Variants in LRRK1 observed in about 807,000 individuals in gnomAD.
LRRK1 encodes the protein leucine-rich repeat serine/threonine-protein kinase 1.
In LRRK1, 113 loss-of-function variants were observed where a neutral mutation model predicts 209.1. The ratio of observed to expected loss-of-function variants is 0.54; its 90% CI spans 0.46 to 0.63. The LOEUF is 0.63. LRRK1 is among the 30% of genes least tolerant of loss of function. The pLI is 0.00. For missense variants in LRRK1, 2,284 were observed against 2,632.2 expected, an observed-to-expected ratio of 0.87 and a Z score of 2.89; for synonymous variants, 1,144 against 1,099.7, an observed-to-expected ratio of 1.04 and a Z score of -0.80.
In LRRK1 at chr15:101,032,418, A is replaced by C. The variant is rs138614338; in HGVS notation, c.2963+3186A>C. Among the ~76,000 whole-genome samples the C allele has an allele frequency of 3.0e-3, 421 of 139,010 alleles. 5 individuals carry two copies. Among genetic ancestry groups the C allele is most frequent in the African/African-American group, 0.01 (400 of 38,924 alleles). The allele number at this position is 139,010 out of a possible 152,430, so 91.2% of individuals were successfully genotyped here. ...AACATGAGGTGTATCTCCTAATGCT[A>C]TCCCTCCCCCCTCCCCCTACCCGAT... On this transcript the variant is annotated intron_variant, in intron 20 of 33. Transcript: ENST00000388948.
At chr15:101,052,092 T>C in intron 24 of LRRK1, 132 bp downstream of exon 24, 2 of 1,032,168 alleles carry the variant, frequency 1.9e-6, no homozygotes, top group Non-Finnish European at 2.8e-6. Context: ...TTCCCACCAA[T>C]CTCAGTACCT....
intron 11 of LRRK1, 39 bp downstream of exon 11, chr15:101,014,467 G>C (rs147317693): frequency 7.2e-7 from 1 of 1,389,926 alleles, no homozygotes. Flanking sequence ...GTTCCAAAGC[G>C]TGTGTGGGGC....
intron 20 of LRRK1, among the ~76,000 whole-genome samples, chr15:101,038,695 C>T (rs1409353094): frequency 2.0e-5 from 3 of 152,210 alleles, no homozygotes; most frequent in African/African-American, 7.2e-5. Context: ...TTCCAGTGTT[C>T]CCTCTTGGAT....
In LRRK1 at chr15:101,053,252, G is replaced by T; in HGVS notation, c.3886G>T (p.Asp1296Tyr). The change falls in exon 26 of 34, where the codon GAT becomes TAT. Residue 1296 changes from aspartate to tyrosine, a missense_variant. Around this residue, in one of 6 missense-constraint regions of LRRK1, gnomAD observed 780 missense variants for 985.2 expected, o/e 0.79. Coordinates refer to ENST00000388948, the MANE Select transcript of LRRK1 (RefSeq NM_024652.6). Reference protein sequence around the residue: ...DTMLRHLRATDAMKNFSEFRQ... With the variant: ...DTMLRHLRATYAMKNFSEFRQ... Reference sequence around the variant, plus strand: ...CATGCTGAGGCACCTGCGGGCCACCGATGCCATGAAGAACTTCTCCGAGTT... The same window carrying T: ...CATGCTGAGGCACCTGCGGGCCACCTATGCCATGAAGAACTTCTCCGAGTT... 6.2e-7 allele frequency: 1 copy of T among 1,606,620 alleles called. No homozygotes were observed.
chr15:100,949,931 T>TGA (rs896107184), intron 2 of LRRK1, among the ~76,000 whole-genome samples: 2 of 151,340 alleles, frequency 1.3e-5, no homozygotes, highest in Non-Finnish European at 2.9e-5. Context: ...AGTGAAAGAC[T>TGA]GACTGCTTTC....
intron 32 of LRRK1, 129 bp downstream of exon 32, chr15:101,066,334 G>C (rs1209688628): frequency 7.6e-7 from 1 of 1,320,608 alleles, no homozygotes; most frequent in African/African-American, 1.5e-5. Flanking sequence ...CTTCCAAGAG[G>C]GTTGGTTTCC....
Position 101,075,580 on chromosome 15 carries a change from T to C in LRRK1, c.*6732T>C, listed in dbSNP as rs973118169. On this transcript the variant is annotated 3_prime_UTR_variant, in exon 34 of 34. Transcript: ENST00000388948. ...AGACTAAAGCCTGTTATCACTCTCC[T>C]GCTACAGCATGGCCTTTTAAAGCCT... 4.8e-5 allele frequency: 7 copies of C among 145,684 alleles called. No individual in the cohort carries two copies. The highest frequency in any genetic ancestry group is 8.3e-5 in the African/African-American group (3 of 36,068). 9.0% of individuals were successfully genotyped at this position (145,684 alleles called of 1,614,324 possible).
intron 20 of LRRK1, among the ~76,000 whole-genome samples, chr15:101,034,346 A>G (rs974274807): frequency 1.3e-5 from 2 of 152,116 alleles, no homozygotes; most frequent in African/African-American, 4.8e-5. Context: ...AATGTCCTGA[A>G]GTGCTTACCC....
In LRRK1 at chr15:101,022,249, C is replaced by T. The variant is rs2033828908; in HGVS notation, c.1853-134C>T. The T allele has an allele frequency of 1.1e-6, 1 of 884,694 alleles. No individual in the cohort carries two copies. Among genetic ancestry groups the T allele is most frequent in the Admixed American group, 2.2e-5 (1 of 44,746 alleles). 54.8% of individuals were successfully genotyped at this position (884,694 alleles called of 1,614,324 possible). ...TGGTTAGTGTCATGCCTTCCCTCCC[C>T]CTGATCCAGTAGTCTTCCTTAACTG... On this transcript the variant is annotated intron_variant, in intron 14 of 33. Transcript: ENST00000388948. The surrounding 1 kb of genome is among the most constrained non-coding windows in gnomAD (Gnocchi z 4.0).
intron 2 of LRRK1, among the ~76,000 whole-genome samples, chr15:100,949,027 C>G (rs1182513912): frequency 2.0e-5 from 3 of 151,406 alleles, no homozygotes; most frequent in African/African-American, 7.3e-5. Flanking sequence ...AAAATTAGAG[C>G]AGAAAAAAAT....
intron 20 of LRRK1, among the ~76,000 whole-genome samples, chr15:101,031,884 A>C (rs1480502589): frequency 6.6e-6 from 1 of 152,034 alleles, no homozygotes; most frequent in East Asian, 1.9e-4. Flanking sequence ...ACAGGCGCCC[A>C]CCACCGCGCC....
In LRRK1 at chr15:101,014,328, T is replaced by C. The variant is rs373397140; in HGVS notation, c.1432T>C (p.Leu478=). ...GLFQLDALMF[L]RLQGNQLAAL... ...CTCTCTCTCTCAGGCCCTCATGTTCTTGAGGTTACAGGGGAACCAGCTGGC... is the reference window on the plus strand; with the variant it reads ...CTCTCTCTCTCAGGCCCTCATGTTCCTGAGGTTACAGGGGAACCAGCTGGC... Residue 478 remains leucine (L), a synonymous_variant, in exon 11 of 34, where the codon TTG becomes CTG. Transcript: ENST00000388948. 29 of 1,612,068 alleles carry C rather than the reference T, an allele frequency of 1.8e-5. No individual in the cohort carries two copies. The African/African-American group carries it at 3.7e-4, about 21-fold the overall frequency.
At chr15:100,923,437 G>A (rs78644955) in intron 1 of LRRK1, among the ~76,000 whole-genome samples, 3,514 of 152,264 alleles carry the variant, frequency 0.023, 123 homozygotes, top group African/African-American at 0.08. Context: ...CCATTTCAGA[G>A]TTGTCTATCT....
chr15:100,984,501 T>TCCCCTGG (rs1006597824), intron 4 of LRRK1, among the ~76,000 whole-genome samples: 2 of 5,870 alleles, frequency 3.4e-4, no homozygotes, highest in African/African-American at 1.4e-3. Context: ...CCTCCCTCCC[T>TCCCCTGG]CCCCTGGCCC....
At chr15:100,984,930 C>T (rs2031789859) in intron 4 of LRRK1, among the ~76,000 whole-genome samples, 1 of 152,142 alleles carries the variant, frequency 6.6e-6, no homozygotes, top group African/African-American at 2.4e-5. Context: ...CATGCAGTCA[C>T]CCAGGGCCCT....
intron 12 of LRRK1, among the ~76,000 whole-genome samples, chr15:101,020,152 A>G (rs531434709): frequency 6.6e-6 from 1 of 152,374 alleles, no homozygotes; most frequent in East Asian, 1.9e-4. Context: ...ATAAATATTC[A>G]GTCCTCTAGT....
chr15:101,013,461 G>A (rs2033376655), intron 10 of LRRK1, among the ~76,000 whole-genome samples: 1 of 151,970 alleles, frequency 6.6e-6, no homozygotes, highest in South Asian at 2.1e-4. Flanking sequence ...AGGCATGATG[G>A]CTCAGACCTG....
chr15:101,052,195 G>T (rs61116730), intron 24 of LRRK1, among the ~76,000 whole-genome samples: 4 of 152,122 alleles, frequency 2.6e-5, no homozygotes, highest in Admixed American at 6.5e-5. Flanking sequence ...AGAGTGCTTT[G>T]CAAGTGCAGC....
At chr15:100,950,875 G>A (rs1243840651) in intron 2 of LRRK1, among the ~76,000 whole-genome samples, 14 of 152,076 alleles carry the variant, frequency 9.2e-5, no homozygotes, top group Admixed American at 2.6e-4. Flanking sequence ...AGGCCAAGGC[G>A]GGCAGATCAC....
Sources: gnomAD v4.1 joint callset for allele counts (sites outside exome capture counted in the v4.1 genomes callset) on GRCh38, gnomAD v4.1.1 for gene constraint, gnomAD v4.1.1 regional missense constraint, Gnocchi (gnomAD v3.1) non-coding constraint, MANE v1.5 for transcripts, NCBI Gene and HGNC (gene_info 2026-07-23, HGNC 2026-07-21) for gene names.